CRYZL1: variants seen among roughly 807,000 people sequenced by gnomAD.
CRYZL1 encodes the protein ferry endosomal RAB5 effector complex subunit 4.
CRYZL1 carries 34 observed loss-of-function variants against 50.6 expected under a neutral mutation model. The ratio of observed to expected loss-of-function variants is 0.67; its 90% confidence interval spans 0.51 to 0.89. CRYZL1 has a LOEUF of 0.89. CRYZL1 is among the 40% of genes least tolerant of loss of function. The probability of loss-of-function intolerance (pLI) is 0.00; values close to 1 mark genes in which losing one functional copy is unlikely to be tolerated. For missense variants in CRYZL1, 354 were observed against 402.3 expected, an observed-to-expected ratio of 0.88 and a Z score of 1.03; for synonymous variants, 125 against 134.3, an observed-to-expected ratio of 0.93 and a Z score of 0.48.
chr21:33,633,719 G>A (rs1001761319), intron 1 of CRYZL1: 1 of 152,146 alleles, frequency 6.6e-6, no homozygotes, highest in African/African-American at 2.4e-5. Flanking sequence ...GGCCTAAAGT[G>A]GAATACCTTT....
intron 6 of CRYZL1, 111 bp downstream of exon 6, chr21:33,613,427 C>A: frequency 1.4e-6 from 1 of 699,214 alleles, no homozygotes; most frequent in Non-Finnish European, 2.4e-6. Flanking sequence ...GCTAATGATA[C>A]TTTATTAAGT....
At chr21:33,637,788 T>TACACAC (rs1555834479) in intron 1 of CRYZL1, among the ~76,000 whole-genome samples, 6 of 117,208 alleles carry the variant, frequency 5.1e-5, no homozygotes, top group African/African-American at 9.3e-5. Flanking sequence ...TATATATATA[T>TACACAC]ACACACACAC....
At chr21:33,597,196 C>T in intron 10 of CRYZL1, 84 bp downstream of exon 10, 2 of 1,369,666 alleles carry the variant, frequency 1.5e-6, no homozygotes, top group Non-Finnish European at 2.1e-6. Context: ...TTAGTCATAC[C>T]TTGCCTCAAA....
intron 6 of CRYZL1, among the ~76,000 whole-genome samples, chr21:33,604,090 G>A (rs911517931): frequency 2.7e-5 from 4 of 150,914 alleles, no homozygotes; most frequent in South Asian, 2.1e-4. Context: ...GTCTCTGGCC[G>A]GGCGTGGTGG....
chr21:33,605,942 G>GC (rs1432918791), intron 6 of CRYZL1, among the ~76,000 whole-genome samples: 2 of 152,076 alleles, frequency 1.3e-5, no homozygotes, highest in Non-Finnish European at 2.9e-5. Context: ...AGAGTAGTCA[G>GC]CACTGCATTT....
chr21:33,627,736 A>G (rs1194176307), intron 2 of CRYZL1, among the ~76,000 whole-genome samples: 4 of 140,092 alleles, frequency 2.9e-5, no homozygotes, highest in South Asian at 2.2e-4. Flanking sequence ...CATATGAGAC[A>G]TGGTTTTTTT....
chr21:33,621,676 T>C (rs1435138136), intron 4 of CRYZL1, among the ~76,000 whole-genome samples: 1 of 152,110 alleles, frequency 6.6e-6, no homozygotes, highest in Non-Finnish European at 1.5e-5. Flanking sequence ...AATTCACGAA[T>C]TTGTGTTGGG....
intron 7 of CRYZL1, chr21:33,603,124 G>C: frequency 3.0e-6 from 1 of 337,472 alleles, no homozygotes; most frequent in East Asian, 5.2e-5. Flanking sequence ...TGACTTCAAA[G>C]GCTCATGTGG....
intron 6 of CRYZL1, among the ~76,000 whole-genome samples, chr21:33,604,367 A>AG (rs1004924670): frequency 1.3e-4 from 19 of 149,522 alleles, no homozygotes; most frequent in Non-Finnish European, 2.5e-4. Context: ...AAAAAAAAAA[A>AG]AAAAAAAAAA....
chr21:33,603,929 G>C (rs1347799643), intron 6 of CRYZL1, among the ~76,000 whole-genome samples: 2 of 152,304 alleles, frequency 1.3e-5, no homozygotes, highest in African/African-American at 4.8e-5. Context: ...TTTCTTATTT[G>C]TATCACTCAT....
chr21:33,624,060 G>C (rs1037195527), intron 3 of CRYZL1, among the ~76,000 whole-genome samples: 1 of 151,972 alleles, frequency 6.6e-6, no homozygotes, highest in Non-Finnish European at 1.5e-5. Context: ...AATAGGCTTT[G>C]TTAATTATAA....
rs908387267 is a variant in CRYZL1, at chr21:33,622,180, T to C, written c.145-112A>G. The C allele has an allele frequency of 1.3e-5, 11 of 833,794 alleles. No individual in the cohort carries two copies. The Admixed American group carries it at 2.4e-4, about 18-fold the overall frequency. 51.6% of individuals were successfully genotyped at this position (833,794 alleles called of 1,614,324 possible). ...AAATCACAGAAAGAGCAAATATGGT[T>C]CAAGTTTTGGAACTGAGACAAAGCA... On this transcript the variant is annotated intron_variant, in intron 3 of 12. Transcript: ENST00000381554.
intron 1 of CRYZL1, chr21:33,640,194 A>G (rs763743258): frequency 8.4e-6 from 13 of 1,548,302 alleles, no homozygotes; most frequent in Non-Finnish European, 1.0e-5. Flanking sequence ...TGGGTCTACA[A>G]AAAGAGCATA....
intron 10 of CRYZL1, chr21:33,596,104 C>A: frequency 1.7e-6 from 1 of 591,116 alleles, no homozygotes; most frequent in Non-Finnish European, 3.2e-6. Context: ...TCTTTTCTGG[C>A]CATCTTCATG....
chr21:33,605,303 A>C (rs985841373), intron 6 of CRYZL1, among the ~76,000 whole-genome samples: 7 of 151,996 alleles, frequency 4.6e-5, no homozygotes, highest in Non-Finnish European at 1.0e-4. Context: ...TAAAAAACAG[A>C]ATCATCAGAA....
chr21:33,602,406 A>T (rs928416490), intron 7 of CRYZL1, 61 bp from the exon 8 acceptor site: 17 of 638,916 alleles, frequency 2.7e-5, no homozygotes, highest in Admixed American at 5.3e-5. Flanking sequence ...TATCGAATTG[A>T]TTTCTTTATA....
At chr21:33,641,296 AAAG>A (rs2087322375) in intron 1 of CRYZL1, 1 of 1,549,484 alleles carries the variant, frequency 6.5e-7, no homozygotes, top group Non-Finnish European at 8.7e-7. Context: ...GATGAGGAAG[AAAG>A]AAGTGGCTGA....
intron 1 of CRYZL1, among the ~76,000 whole-genome samples, chr21:33,635,192 C>T (rs192476511): frequency 3.3e-5 from 5 of 151,916 alleles, no homozygotes; most frequent in Admixed American, 3.3e-4. Flanking sequence ...ACATGGTTTC[C>T]TAGGCAGATT....
chr21:33,625,106 A>G (rs2145951963), intron 2 of CRYZL1, among the ~76,000 whole-genome samples: 1 of 152,176 alleles, frequency 6.6e-6, no homozygotes, highest in South Asian at 2.1e-4. Context: ...GGCTCTTCAC[A>G]TTTACAGGGA....
Sources: gnomAD v4.1 joint callset for allele counts (sites outside exome capture counted in the v4.1 genomes callset) on GRCh38, gnomAD v4.1.1 for gene constraint, MANE v1.5 for transcripts, NCBI Gene and HGNC (gene_info 2026-07-23, HGNC 2026-07-21) for gene names.